The following MYT1L variants were observed in gnomAD, a reference collection of about 807,000 sequenced individuals.
MYT1L encodes myelin transcription factor 1 like.
Under a neutral mutation model 126.7 loss-of-function variants are expected in MYT1L, and 12 were observed. The observed-to-expected ratio is 0.09, with a 90% CI of 0.06 to 0.15. The LOEUF is 0.15. Ranked by LOEUF, MYT1L falls within the 10% of genes least tolerant of loss-of-function variation. The pLI is 1.00. For synonymous variants in MYT1L, 541 were observed against 604.2 expected, an observed-to-expected ratio of 0.90 and a Z score of 1.53; for missense variants, 979 against 1,585.2, an observed-to-expected ratio of 0.62 and a Z score of 6.49.
At chr2:1,937,281 A>G (rs2056028001) in intron 9 of MYT1L, among the ~76,000 whole-genome samples, 1 of 152,202 alleles carries the variant, frequency 6.6e-6, no homozygotes, top group Non-Finnish European at 1.5e-5. Flanking sequence ...CATTTCGCAC[A>G]TCAAGAAGTT....
At chr2:1,792,193 CG>C in intron 24 of MYT1L, 127 bp downstream of exon 24, 1 of 1,324,448 alleles carries the variant, frequency 7.6e-7, no homozygotes, top group Admixed American at 2.6e-5. Flanking sequence ...GGTATGGTTT[CG>C]GGGTGGTAAC....
intron 2 of MYT1L, among the ~76,000 whole-genome samples, chr2:2,176,984 T>C (rs967739496): frequency 6.6e-6 from 1 of 152,330 alleles, no homozygotes; most frequent in African/African-American, 2.4e-5. Flanking sequence ...AAAGCCACAA[T>C]TGCATTGTTT....
intron 3 of MYT1L, among the ~76,000 whole-genome samples, chr2:2,109,926 C>CATATATAT (rs2079227277): frequency 1.6e-5 from 1 of 63,738 alleles, no homozygotes; most frequent in Non-Finnish European, 3.1e-5. Flanking sequence ...TATATATATC[C>CATATATAT]CTTTCAGAAT....
In MYT1L at chr2:1,995,227, G is replaced by A. The variant is rs545266798; in HGVS notation, c.-1+1964C>T. ...GTCTTTCCTGTGTGTTTATGTGACGGGGTGGATGTGAACACTCTAGCATGT... is the reference window on the plus strand; with the variant it reads ...GTCTTTCCTGTGTGTTTATGTGACGAGGTGGATGTGAACACTCTAGCATGT... On this transcript the variant is annotated intron_variant, in intron 5 of 24. Coordinates refer to ENST00000647738, the MANE Select transcript of MYT1L (RefSeq NM_001303052.2). Among the ~76,000 whole-genome samples, 183 of 152,216 alleles carry A rather than the reference G, an allele frequency of 1.2e-3. 1 individual carries two copies. Among genetic ancestry groups the A allele is most frequent in the Middle Eastern group, 6.8e-3 (2 of 294 alleles).
intron 4 of MYT1L, among the ~76,000 whole-genome samples, chr2:2,007,055 A>C (rs1015930809): frequency 6.6e-6 from 1 of 151,976 alleles, no homozygotes. Context: ...ATATATATAT[A>C]TATATATATC....
chr2:2,154,509 T>C (rs2086387966), intron 3 of MYT1L, among the ~76,000 whole-genome samples: 1 of 152,172 alleles, frequency 6.6e-6, no homozygotes, highest in Admixed American at 6.5e-5. Context: ...ATAAAAAGAA[T>C]GAGATCACGT....
rs1288156064 is a variant in MYT1L at position 2,153,167 on chromosome 2, T to C, written c.-304+19705A>G. Among the ~76,000 whole-genome samples the C allele has an allele frequency of 2.0e-5, 3 of 152,076 alleles. No individual in the cohort carries two copies. The East Asian group carries it at 5.8e-4, about 29-fold the overall frequency. ...TTAAACAATTAGCCAGATGTGGTGG[T>C]GGGTGCCTATAGTCCCAGCTGCTCA... On this transcript the variant is annotated intron_variant, in intron 3 of 24. Coordinates refer to ENST00000647738, the MANE Select transcript of MYT1L (RefSeq NM_001303052.2).
At chr2:1,901,129 G>C (rs1043917876) in intron 14 of MYT1L, among the ~76,000 whole-genome samples, 1 of 152,076 alleles carries the variant, frequency 6.6e-6, no homozygotes, top group Non-Finnish European at 1.5e-5. Context: ...ATTTGACTTC[G>C]GGTGCCCTAA....
intron 2 of MYT1L, among the ~76,000 whole-genome samples, chr2:2,243,262 A>G (rs1259778641): frequency 2.0e-5 from 3 of 152,238 alleles, no homozygotes; most frequent in Non-Finnish European, 4.4e-5. Flanking sequence ...GGCATGTCCT[A>G]TTTTAAAAGC....
At chr2:1,797,642 A>C (rs531378140) in intron 23 of MYT1L, among the ~76,000 whole-genome samples, 4 of 152,368 alleles carry the variant, frequency 2.6e-5, no homozygotes, top group African/African-American at 9.6e-5. Flanking sequence ...GGTCGCACTA[A>C]TTGGACCTCA....
At chr2:1,867,923 T>C (rs545319901) in intron 18 of MYT1L, among the ~76,000 whole-genome samples, 1 of 152,112 alleles carries the variant, frequency 6.6e-6, no homozygotes, top group East Asian at 1.9e-4. Flanking sequence ...GAAATATCTA[T>C]CTTTATTTAG....
chr2:1,960,231 T>G (rs531653970), intron 8 of MYT1L, among the ~76,000 whole-genome samples: 1 of 152,288 alleles, frequency 6.6e-6, no homozygotes, highest in Admixed American at 6.5e-5. Flanking sequence ...GGAAAAGTGA[T>G]GATTCCTTGT....
intron 3 of MYT1L, among the ~76,000 whole-genome samples, chr2:2,055,384 G>A (rs1314743068): frequency 3.9e-5 from 6 of 152,164 alleles, no homozygotes; most frequent in African/African-American, 1.2e-4. Context: ...AAAACAAAAT[G>A]CAACATCTTG....
intron 1 of MYT1L, among the ~76,000 whole-genome samples, chr2:2,293,966 G>A (rs1390082499): frequency 3.3e-5 from 5 of 152,112 alleles, no homozygotes; most frequent in African/African-American, 9.7e-5. Flanking sequence ...CCACCAGCAC[G>A]GGGGGCAGGA....
intron 4 of MYT1L, among the ~76,000 whole-genome samples, chr2:1,997,884 C>T (rs183348958): frequency 6.6e-5 from 10 of 152,192 alleles, no homozygotes; most frequent in African/African-American, 2.4e-4. Flanking sequence ...CTTTCTTACC[C>T]ATTATGTCAT....
chr2:1,977,528 A>G, intron 8 of MYT1L, among the ~76,000 whole-genome samples: 1 of 152,218 alleles, frequency 6.6e-6, no homozygotes, highest in East Asian at 1.9e-4. Context: ...TATGTAAAAG[A>G]GGATATTTAG....
chr2:2,022,598 T>C (rs1178926513), intron 4 of MYT1L, among the ~76,000 whole-genome samples: 1 of 152,094 alleles, frequency 6.6e-6, no homozygotes, highest in African/African-American at 2.4e-5. Context: ...AAAGGTCAAA[T>C]GCTGCACTTG....
At chr2:2,016,644 A>G (rs1427645723) in intron 4 of MYT1L, among the ~76,000 whole-genome samples, 2 of 152,206 alleles carry the variant, frequency 1.3e-5, no homozygotes, top group African/African-American at 4.8e-5. Context: ...TGAAAGAAGA[A>G]CTCCAAAGAC....
intron 3 of MYT1L, among the ~76,000 whole-genome samples, chr2:2,090,094 C>G (rs1242099942): frequency 6.6e-6 from 1 of 152,164 alleles, no homozygotes; most frequent in Non-Finnish European, 1.5e-5. Flanking sequence ...GGAGTCACAT[C>G]CTATAAAGTC....
Sources: allele counts gnomAD v4.1 joint callset (sites outside exome capture counted in the v4.1 genomes callset), GRCh38; gene constraint gnomAD v4.1.1; transcripts MANE v1.5; gene names NCBI Gene and HGNC (gene_info 2026-07-23, HGNC 2026-07-21).